The following PLCB4 variants were observed in gnomAD, a reference collection of about 807,000 sequenced individuals.
PLCB4 encodes the protein phospholipase C beta 4.
PLCB4 carries 77 observed loss-of-function variants against 178.8 expected under a neutral mutation model. That is an observed-to-expected ratio of 0.43 (90% CI 0.36 to 0.52). The LOEUF (loss-of-function observed/expected upper bound fraction) is 0.52, where lower values mean the gene tolerates loss of function less well. Among genes scored for constraint, PLCB4 ranks in the 20% least tolerant of loss-of-function variants. The pLI is 0.00. For synonymous variants in PLCB4, 496 were observed against 490.8 expected (o/e 1.01, Z -0.14); for missense variants, 1,024 against 1,453.4 (o/e 0.70, Z 4.80).
At position 9,123,226 on chromosome 20, in the gene PLCB4, C is replaced by A. The variant is rs575569974; in HGVS notation, c.-79+26884C>A. Among the ~76,000 whole-genome samples the A allele has an allele frequency of 6.6e-5, 10 of 152,146 alleles. No individual in the cohort carries two copies. The East Asian group carries it at 1.7e-3, about 27-fold the overall frequency. On this transcript the variant is annotated intron_variant, in intron 2 of 39. Coordinates refer to ENST00000378473, the MANE Select transcript of PLCB4 (RefSeq NM_001377142.1). ...TACAGTCTATTAAAAAAAGTATATT[C>A]TTCACTACCTGTTTATCATTAGTTT...
chr20:9,362,211 A>G (rs113247909), intron 7 of PLCB4, among the ~76,000 whole-genome samples: 1 of 152,194 alleles, frequency 6.6e-6, no homozygotes, highest in African/African-American at 2.4e-5. Context: ...GCCTTAATTC[A>G]TGGGCTGAGC....
intron 35 of PLCB4, among the ~76,000 whole-genome samples, chr20:9,460,806 G>T (rs959061065): frequency 8.5e-5 from 13 of 152,162 alleles, no homozygotes; most frequent in African/African-American, 2.9e-4. Context: ...ACATTACTTT[G>T]GAGTGACAGA....
chr20:9,443,234 T>C (rs1481490844), intron 30 of PLCB4, among the ~76,000 whole-genome samples: 1 of 152,220 alleles, frequency 6.6e-6, no homozygotes, highest in African/African-American at 2.4e-5. Context: ...AATGCTAAGA[T>C]TGAATTTGGT....
intron 2 of PLCB4, among the ~76,000 whole-genome samples, chr20:9,194,437 A>T (rs892827593): frequency 6.6e-6 from 1 of 152,126 alleles, no homozygotes; most frequent in African/African-American, 2.4e-5. Flanking sequence ...GTGTAATCCC[A>T]GCACTTTGGG....
intron 20 of PLCB4, among the ~76,000 whole-genome samples, chr20:9,404,218 G>C (rs763467037): frequency 6.6e-6 from 1 of 152,182 alleles, no homozygotes; most frequent in Admixed American, 6.5e-5. Context: ...TGGGATTGCT[G>C]TGGTGCAAAG....
rs527989360 is a variant in PLCB4 at position 9,169,868 on chromosome 20, A to G, written c.-78-47522A>G. On this transcript the variant is annotated intron_variant, in intron 2 of 39. Coordinates refer to ENST00000378473, the MANE Select transcript of PLCB4 (RefSeq NM_001377142.1). ...TATTGCCTTTATTATCTGTCCATCC[A>G]CTTATCCCTCTGTCTTTCACTGTCT... Among the ~76,000 whole-genome samples the G allele has an allele frequency of 4.6e-5, 7 of 152,218 alleles. 1 individual carries two copies. Among genetic ancestry groups the G allele is most frequent in the African/African-American group, 1.4e-4 (6 of 41,550 alleles).
intron 34 of PLCB4, among the ~76,000 whole-genome samples, chr20:9,458,101 A>AT (rs974973615): frequency 1.3e-5 from 2 of 152,072 alleles, no homozygotes; most frequent in Non-Finnish European, 2.9e-5. Context: ...GGAAAAAAAA[A>AT]GAAAAAAAAA....
intron 7 of PLCB4, among the ~76,000 whole-genome samples, chr20:9,340,673 C>T (rs563133436): frequency 6.6e-6 from 1 of 152,088 alleles, no homozygotes; most frequent in African/African-American, 2.4e-5. Flanking sequence ...AGTATGAGCT[C>T]AAGTATTGGG....
chr20:9,449,361 A>G (rs994265291), intron 32 of PLCB4, among the ~76,000 whole-genome samples: 5 of 152,170 alleles, frequency 3.3e-5, no homozygotes, highest in Admixed American at 2.0e-4. Context: ...TCAAATGCCT[A>G]TGGGGTCCAA....
chr20:9,340,644 A>G (rs975650305), intron 7 of PLCB4, among the ~76,000 whole-genome samples: 2 of 152,164 alleles, frequency 1.3e-5, no homozygotes, highest in African/African-American at 4.8e-5. Context: ...AATTCATATT[A>G]CAAGAAACAG....
chr20:9,143,328 A>T (rs2092533042), intron 2 of PLCB4, among the ~76,000 whole-genome samples: 1 of 152,152 alleles, frequency 6.6e-6, no homozygotes, highest in East Asian at 1.9e-4. Flanking sequence ...CTTAGTAGTA[A>T]ACATTTGTTG....
At chr20:9,288,168 C>T (rs77463687) in intron 3 of PLCB4, among the ~76,000 whole-genome samples, 13,880 of 152,108 alleles carry the variant, frequency 0.091, 1,508 homozygotes, top group African/African-American at 0.26. Context: ...CTTCAACATT[C>T]TTGTATTTTG....
intron 2 of PLCB4, among the ~76,000 whole-genome samples, chr20:9,174,968 G>A (rs6056447): frequency 6.6e-6 from 1 of 152,074 alleles, no homozygotes; most frequent in Non-Finnish European, 1.5e-5. Context: ...CTGTCTTATT[G>A]TTATTAATAC....
chr20:9,465,690 A>T (rs899080748), intron 35 of PLCB4, among the ~76,000 whole-genome samples: 10 of 152,188 alleles, frequency 6.6e-5, no homozygotes, highest in African/African-American at 2.4e-4. Flanking sequence ...TGCATTTGCT[A>T]CAAAGAGAAT....
Position 9,409,037 on chromosome 20 carries a change from T to G in PLCB4, c.1875-20T>G, listed in dbSNP as rs2039671181. 1.2e-6 allele frequency: 2 copies of G among 1,606,398 alleles called. No individual in the cohort carries two copies. The highest frequency in any genetic ancestry group is 4.5e-5 in the East Asian group (2 of 44,844). On this transcript the variant is annotated intron_variant, in intron 23 of 39. Coordinates refer to ENST00000378473, the MANE Select transcript of PLCB4 (RefSeq NM_001377142.1). ...TCTGCTGTAGGACTCTTTTTTTCTG[T>G]TTTCCTTAATAAGTTACAGTTATAA...
At chr20:9,113,364 G>T (rs2091654335) in intron 2 of PLCB4, among the ~76,000 whole-genome samples, 1 of 152,180 alleles carries the variant, frequency 6.6e-6, no homozygotes, top group Non-Finnish European at 1.5e-5. Flanking sequence ...CTGTGATTGG[G>T]AAAGGGAACT....
chr20:9,175,136 GT>G (rs2093133049), intron 2 of PLCB4, among the ~76,000 whole-genome samples: 1 of 152,182 alleles, frequency 6.6e-6, no homozygotes, highest in Non-Finnish European at 1.5e-5. Context: ...GGAAATGCAC[GT>G]TGTCAGACCC....
chr20:9,354,933 T>A (rs1489014427), intron 7 of PLCB4, among the ~76,000 whole-genome samples: 1 of 152,202 alleles, frequency 6.6e-6, no homozygotes, highest in East Asian at 1.9e-4. Context: ...AGTTCAATTG[T>A]CCTCAACTAT....
At chr20:9,474,433 A>G (rs1398925619) in intron 38 of PLCB4, among the ~76,000 whole-genome samples, 1 of 152,156 alleles carries the variant, frequency 6.6e-6, no homozygotes, top group Non-Finnish European at 1.5e-5. Context: ...TTTACATTTC[A>G]GACTCTCTCA....
Sources: allele counts gnomAD v4.1 joint callset (sites outside exome capture counted in the v4.1 genomes callset), GRCh38; gene constraint gnomAD v4.1.1; transcripts MANE v1.5; gene names NCBI Gene and HGNC (gene_info 2026-07-23, HGNC 2026-07-21).